The following SDK1 variants were observed in gnomAD, a reference collection of about 807,000 sequenced individuals.
SDK1 encodes the protein sidekick cell adhesion molecule 1, also known as protein sidekick-1.
A neutral mutation model predicts 245.5 loss-of-function variants in SDK1; 157 were observed. The observed-to-expected ratio is 0.64, with a 90% CI of 0.56 to 0.73. The LOEUF (loss-of-function observed/expected upper bound fraction) is 0.73. Among genes scored for constraint, SDK1 ranks in the 30% least tolerant of loss-of-function variants. The pLI, the probability that SDK1 is intolerant of heterozygous loss-of-function variation, is 0.00. For missense variants in SDK1, 3,583 were observed against 3,002.3 expected, an observed-to-expected ratio of 1.19 and a Z score of -4.52; for synonymous variants, 1,647 against 1,278.5, an observed-to-expected ratio of 1.29 and a Z score of -6.15.
chr7:3,568,123 C>T (rs137988283), intron 1 of SDK1, among the ~76,000 whole-genome samples: 131 of 152,270 alleles, frequency 8.6e-4, no homozygotes, highest in African/African-American at 2.6e-3. Flanking sequence ...GTCCAACCTC[C>T]GTGGTTCTTT....
At chr7:3,852,527 C>A (rs938774956) in intron 5 of SDK1, among the ~76,000 whole-genome samples, 5 of 151,498 alleles carry the variant, frequency 3.3e-5, no homozygotes, top group Admixed American at 3.3e-4. Context: ...GCGGGCGGAT[C>A]ACGAGGTCAG....
At chr7:4,130,375 G>A (rs1784725648) in intron 27 of SDK1, 3 of 451,894 alleles carry the variant, frequency 6.6e-6, no homozygotes, top group South Asian at 3.1e-5. Flanking sequence ...AGGCTGGGGC[G>A]GGGCCGAGCT....
At chr7:3,341,510 AAGG>A (rs1396283130) in intron 1 of SDK1, among the ~76,000 whole-genome samples, 1 of 152,160 alleles carries the variant, frequency 6.6e-6, no homozygotes, top group East Asian at 1.9e-4. Flanking sequence ...CCAGACCAAA[AAGG>A]AGGAGCAAAA....
intron 32 of SDK1, among the ~76,000 whole-genome samples, chr7:4,172,666 G>A (rs1781923542): frequency 6.6e-6 from 1 of 152,170 alleles, no homozygotes; most frequent in African/African-American, 2.4e-5. Context: ...ACAGCTCTGG[G>A]GGCCAAAAGT....
intron 33 of SDK1, among the ~76,000 whole-genome samples, chr7:4,174,625 C>G (rs1445443284): frequency 6.6e-6 from 1 of 152,168 alleles, no homozygotes; most frequent in Non-Finnish European, 1.5e-5. Flanking sequence ...CCTCCAGTGA[C>G]TGCACTCTAC....
intron 8 of SDK1, among the ~76,000 whole-genome samples, chr7:3,961,628 C>G (rs751063745): frequency 8.5e-5 from 13 of 152,144 alleles, no homozygotes; most frequent in Non-Finnish European, 1.3e-4. Context: ...CCTCCTCGAC[C>G]CTTAACAAGG....
intron 4 of SDK1, among the ~76,000 whole-genome samples, chr7:3,694,917 G>A (rs762026041): frequency 6.6e-6 from 1 of 152,116 alleles, no homozygotes; most frequent in Non-Finnish European, 1.5e-5. Context: ...ACATTTCCTA[G>A]AATAGGCATT....
chr7:3,640,067 G>T (rs1199289759), intron 3 of SDK1, among the ~76,000 whole-genome samples: 1 of 150,540 alleles, frequency 6.6e-6, no homozygotes, highest in Non-Finnish European at 1.5e-5. Context: ...GCATTGCCCA[G>T]GTTGGTCTCT....
At chr7:3,606,106 T>C (rs1302489246) in intron 1 of SDK1, among the ~76,000 whole-genome samples, 3 of 152,230 alleles carry the variant, frequency 2.0e-5, no homozygotes, top group African/African-American at 7.2e-5. Context: ...AGTTCAACAC[T>C]GAGCTCTTGT....
Position 4,004,895 on chromosome 7 carries a change from G to T in SDK1, c.2132-6071G>T, listed in dbSNP as rs563084234. ...GTCCATCCATCGTACTGGTTGTTTT[G>T]TGTCTCACTGTGTCTTCATCCACAA... On this transcript the variant is annotated intron_variant, in intron 14 of 44. Transcript: ENST00000404826. 7.9e-5 allele frequency among the ~76,000 whole-genome samples: 12 copies of T among 151,868 alleles called. No homozygotes were observed. The South Asian group carries it at 2.5e-3, about 32-fold the overall frequency.
At chr7:3,690,329 A>C (rs944665555) in intron 4 of SDK1, among the ~76,000 whole-genome samples, 1 of 152,198 alleles carries the variant, frequency 6.6e-6, no homozygotes, top group African/African-American at 2.4e-5. Flanking sequence ...TACTGTAACT[A>C]GAAATTTTTT....
At chr7:3,323,845 A>G (rs2128548415) in intron 1 of SDK1, among the ~76,000 whole-genome samples, 1 of 152,336 alleles carries the variant, frequency 6.6e-6, no homozygotes, top group South Asian at 2.1e-4. Context: ...AATTCTGCCT[A>G]GCACAGTGTT....
chr7:3,369,511 A>G (rs1445777418), intron 1 of SDK1, among the ~76,000 whole-genome samples: 5 of 151,678 alleles, frequency 3.3e-5, no homozygotes, highest in African/African-American at 1.2e-4. Flanking sequence ...TTACATACAG[A>G]GTGTTCTGAT....
At chr7:3,580,736 A>C (rs1780452470) in intron 1 of SDK1, among the ~76,000 whole-genome samples, 1 of 152,126 alleles carries the variant, frequency 6.6e-6, no homozygotes, top group Admixed American at 6.5e-5. Context: ...TGGGAGACTG[A>C]GGCAGGCGGA....
chr7:3,607,231 TG>T (rs1329114246), intron 1 of SDK1, among the ~76,000 whole-genome samples: 1 of 152,186 alleles, frequency 6.6e-6, no homozygotes, highest in East Asian at 1.9e-4. Context: ...GGCTCACCTT[TG>T]GGTTCAGTGA....
chr7:3,503,218 A>T (rs1237803085), intron 1 of SDK1, among the ~76,000 whole-genome samples: 1 of 152,224 alleles, frequency 6.6e-6, no homozygotes, highest in Non-Finnish European at 1.5e-5. Context: ...TCCCTGGAAG[A>T]AGAAGAAGTA....
At chr7:4,242,065 G>C (rs1786559506) in intron 43 of SDK1, 152 bp downstream of exon 43, 2 of 855,564 alleles carry the variant, frequency 2.3e-6, no homozygotes, top group Admixed American at 2.6e-5. Flanking sequence ...CAAACCACCA[G>C]GGGCAGCCCT....
chr7:4,133,109 C>T (rs1784950827), intron 28 of SDK1, among the ~76,000 whole-genome samples: 1 of 152,196 alleles, frequency 6.6e-6, no homozygotes, highest in Non-Finnish European at 1.5e-5. Context: ...TTCCTGGAAA[C>T]ATCTTTCTGC....
intron 1 of SDK1, among the ~76,000 whole-genome samples, chr7:3,587,917 G>A (rs1008388653): frequency 2.0e-5 from 3 of 152,212 alleles, no homozygotes; most frequent in African/African-American, 7.2e-5. Context: ...TGTACTAAAT[G>A]TTCAGTAAAC....
Sources: gnomAD v4.1 joint callset for allele counts (sites outside exome capture counted in the v4.1 genomes callset) on GRCh38, gnomAD v4.1.1 for gene constraint, MANE v1.5 for transcripts, NCBI Gene and HGNC (gene_info 2026-07-23, HGNC 2026-07-21) for gene names.